The following HS3ST3A1 variants were observed in gnomAD, a reference collection of about 807,000 sequenced individuals.
The protein encoded by HS3ST3A1 is heparan sulfate glucosamine 3-O-sulfotransferase 3A1.
Under a neutral mutation model 25.7 loss-of-function variants are expected in HS3ST3A1, and 19 were observed. The observed-to-expected ratio is 0.74, with a 90% CI of 0.52 to 1.08. The LOEUF (loss-of-function observed/expected upper bound fraction) is 1.08, where lower values mean the gene tolerates loss of function less well. HS3ST3A1 is among the 50% of genes least tolerant of loss of function. The probability of loss-of-function intolerance (pLI) is 0.00; values close to 1 mark genes in which losing one functional copy is unlikely to be tolerated. For synonymous variants in HS3ST3A1, 226 were observed against 278.6 expected, an observed-to-expected ratio of 0.81 and a Z score of 1.88; for missense variants, 459 against 594.3, an observed-to-expected ratio of 0.77 and a Z score of 2.37.
rs1286323728 is a variant in HS3ST3A1, at chr17:13,526,172, A to G, written c.600-29354T>C. On this transcript the variant is annotated intron_variant, in intron 1 of 1. Coordinates refer to ENST00000284110, the MANE Select transcript of HS3ST3A1 (RefSeq NM_006042.3). ...CAGTGCGCCCTCCCTGGGGCCCAGT[A>G]TCTGAGCTCTGGGGTTTGCAGATGG... 3.3e-5 allele frequency among the ~76,000 whole-genome samples: 5 copies of G among 151,982 alleles called. No individual in the cohort carries two copies. In the East Asian group the frequency reaches 9.8e-4, roughly 30 times the overall value.
chr17:13,539,729 CT>C (rs11284743), intron 1 of HS3ST3A1, among the ~76,000 whole-genome samples: 53,371 of 151,994 alleles, frequency 0.35, 9,671 homozygotes, highest in African/African-American at 0.43. Flanking sequence ...GAGACGTTAG[CT>C]TCCAATGTCA....
chr17:13,536,757 AG>A (rs1409831652), intron 1 of HS3ST3A1, among the ~76,000 whole-genome samples: 1 of 152,196 alleles, frequency 6.6e-6, no homozygotes, highest in Non-Finnish European at 1.5e-5. Context: ...GCAGTCCCAC[AG>A]AGTCCTGCAC....
intron 1 of HS3ST3A1, among the ~76,000 whole-genome samples, chr17:13,503,936 T>C (rs1477479391): frequency 6.6e-6 from 1 of 152,196 alleles, no homozygotes; most frequent in Non-Finnish European, 1.5e-5. Context: ...TAGTCCCCAA[T>C]TCAAGCTCTC....
intron 1 of HS3ST3A1, among the ~76,000 whole-genome samples, chr17:13,592,199 A>G (rs1465208293): frequency 1.3e-5 from 2 of 152,216 alleles, no homozygotes; most frequent in Non-Finnish European, 2.9e-5. Context: ...CAGTAGTTCT[A>G]TGACCTACAT....
rs148349305 is a variant in HS3ST3A1, at chr17:13,504,050, C to T, written c.600-7232G>A. 8.0e-3 allele frequency among the ~76,000 whole-genome samples: 1,222 copies of T among 152,188 alleles called. 18 individuals are homozygous for T. Among genetic ancestry groups the T allele is most frequent in the African/African-American group, 0.028 (1,161 of 41,512 alleles). ...TGTGAGTGGGCTGGGTGTGGTGGCTCACACCTGTAATCCCAGCCCTTTGGG... is the reference window on the plus strand; with the variant it reads ...TGTGAGTGGGCTGGGTGTGGTGGCTTACACCTGTAATCCCAGCCCTTTGGG... On this transcript the variant is annotated intron_variant, in intron 1 of 1. Coordinates refer to ENST00000284110, the MANE Select transcript of HS3ST3A1 (RefSeq NM_006042.3).
At chr17:13,504,613 C>T (rs550830332) in intron 1 of HS3ST3A1, among the ~76,000 whole-genome samples, 2 of 152,196 alleles carry the variant, frequency 1.3e-5, no homozygotes, top group South Asian at 4.2e-4. Context: ...GATTTGTGTC[C>T]TTTTTTCTAT....
At chr17:13,580,763 T>C (rs575118002) in intron 1 of HS3ST3A1, among the ~76,000 whole-genome samples, 9 of 152,200 alleles carry the variant, frequency 5.9e-5, no homozygotes, top group Admixed American at 5.9e-4. Flanking sequence ...TGGTGACACA[T>C]GCCTATAATC....
intron 1 of HS3ST3A1, among the ~76,000 whole-genome samples, chr17:13,526,942 C>T (rs1164954863): frequency 3.9e-5 from 6 of 152,226 alleles, no homozygotes; most frequent in Non-Finnish European, 5.9e-5. Context: ...CGTGAGCCAC[C>T]GCACCCGGCC....
At chr17:13,503,238 A>T (rs886255391) in intron 1 of HS3ST3A1, among the ~76,000 whole-genome samples, 1 of 152,074 alleles carries the variant, frequency 6.6e-6, no homozygotes, top group Non-Finnish European at 1.5e-5. Flanking sequence ...ATAGCTACAC[A>T]GCATAGAAGA....
intron 1 of HS3ST3A1, among the ~76,000 whole-genome samples, chr17:13,531,855 C>T (rs1013439781): frequency 1.5e-4 from 23 of 152,172 alleles, no homozygotes; most frequent in African/African-American, 5.6e-4. Flanking sequence ...CCATTAAACC[C>T]ACTCAGGAAG....
intron 1 of HS3ST3A1, among the ~76,000 whole-genome samples, chr17:13,507,223 A>T (rs1021875559): frequency 3.9e-5 from 6 of 152,192 alleles, no homozygotes; most frequent in African/African-American, 1.4e-4. Context: ...AAGAAAATGA[A>T]TACATACTGA....
At chr17:13,593,262 C>T (rs1434158329) in intron 1 of HS3ST3A1, among the ~76,000 whole-genome samples, 4 of 130,104 alleles carry the variant, frequency 3.1e-5, no homozygotes, top group Non-Finnish European at 7.0e-5. Context: ...AAGTCATACG[C>T]CCAAGTCTGA....
chr17:13,549,218 A>C (rs1231352271), intron 1 of HS3ST3A1, among the ~76,000 whole-genome samples: 1 of 152,146 alleles, frequency 6.6e-6, no homozygotes, highest in African/African-American at 2.4e-5. Flanking sequence ...TGTAACCCTC[A>C]CTGCGAAGGT....
chr17:13,581,466 CAA>C (rs71144975), intron 1 of HS3ST3A1, among the ~76,000 whole-genome samples: 17,730 of 121,914 alleles, frequency 0.15, 1,082 homozygotes, highest in African/African-American at 0.18. Flanking sequence ...GACTCTATCT[CAA>C]AAAAAAAAAA....
chr17:13,503,616 C>A (rs559268715), intron 1 of HS3ST3A1, among the ~76,000 whole-genome samples: 1 of 152,118 alleles, frequency 6.6e-6, no homozygotes, highest in East Asian at 1.9e-4. Context: ...AATAAACACA[C>A]GAGAAGGCAC....
chr17:13,588,726 C>G (rs1245257584), intron 1 of HS3ST3A1, among the ~76,000 whole-genome samples: 1 of 151,658 alleles, frequency 6.6e-6, no homozygotes, highest in Non-Finnish European at 1.5e-5. Context: ...CTCTGTTGCC[C>G]AGGCTGGAGT....
In HS3ST3A1 at chr17:13,494,242, A is replaced by G. The variant is rs998407308; in HGVS notation, c.*1955T>C. 2.6e-5 allele frequency among the ~76,000 whole-genome samples: 4 copies of G among 152,230 alleles called. No homozygotes were observed. Among genetic ancestry groups the G allele is most frequent in the African/African-American group, 9.6e-5 (4 of 41,456 alleles). ...TGCAGCTAGTGATTCAAGTAGAATA[A>G]AAACAGTCTGTGGCACTGGGAAATT... On this transcript the variant is annotated 3_prime_UTR_variant, in exon 2 of 2. Transcript: ENST00000284110.
At chr17:13,555,738 A>G (rs1273997387) in intron 1 of HS3ST3A1, among the ~76,000 whole-genome samples, 1 of 152,224 alleles carries the variant, frequency 6.6e-6, no homozygotes, top group African/African-American at 2.4e-5. Context: ...AGGTGCTGAG[A>G]CAATCATTTA....
At chr17:13,505,395 AG>A (rs2142298896) in intron 1 of HS3ST3A1, among the ~76,000 whole-genome samples, 1 of 152,286 alleles carries the variant, frequency 6.6e-6, no homozygotes, top group South Asian at 2.1e-4. Context: ...TAGACCAAAA[AG>A]ATGATGACTT....
Sources: gnomAD v4.1 joint callset for allele counts (sites outside exome capture counted in the v4.1 genomes callset) on GRCh38, gnomAD v4.1.1 for gene constraint, MANE v1.5 for transcripts, NCBI Gene and HGNC (gene_info 2026-07-23, HGNC 2026-07-21) for gene names.